ZFPM2: variants seen among roughly 807,000 people sequenced by gnomAD.
ZFPM2 encodes zinc finger protein, FOG family member 2.
Under a neutral mutation model 98.6 loss-of-function variants are expected in ZFPM2, and 20 were observed. The observed-to-expected ratio is 0.20, with a 90% CI of 0.14 to 0.29. The LOEUF is 0.29. Among genes scored for constraint, ZFPM2 ranks in the 10% least tolerant of loss-of-function variants. The probability of loss-of-function intolerance (pLI) is 1.00; values close to 1 mark genes in which losing one functional copy is unlikely to be tolerated. For synonymous variants in ZFPM2, 518 were observed against 502.7 expected (o/e 1.03, Z -0.41); for missense variants, 1,310 against 1,388.6 (o/e 0.94, Z 0.90).
At chr8:105,354,304 G>C (rs1309481392) in intron 1 of ZFPM2, among the ~76,000 whole-genome samples, 1 of 152,196 alleles carries the variant, frequency 6.6e-6, no homozygotes, top group Non-Finnish European at 1.5e-5. Flanking sequence ...CTTTCAATTA[G>C]AAGTAATTTA....
chr8:105,590,085 A>G (rs1815810086), intron 4 of ZFPM2, among the ~76,000 whole-genome samples: 1 of 152,062 alleles, frequency 6.6e-6, no homozygotes, highest in Non-Finnish European at 1.5e-5. Context: ...TTTCTTTTTG[A>G]ATTAGCCTCT....
chr8:105,549,626 A>C (rs549909652), intron 3 of ZFPM2, among the ~76,000 whole-genome samples: 1 of 133,272 alleles, frequency 7.5e-6, no homozygotes, highest in African/African-American at 2.8e-5. Flanking sequence ...TTTTTTTTTT[A>C]ATTGAGACAG....
At chr8:105,503,344 C>G (rs1813634426) in intron 3 of ZFPM2, among the ~76,000 whole-genome samples, 1 of 152,134 alleles carries the variant, frequency 6.6e-6, no homozygotes. Context: ...AATGGAGCAC[C>G]TTTATCCTGA....
At chr8:105,558,136 A>G (rs1275366189) in intron 3 of ZFPM2, among the ~76,000 whole-genome samples, 5 of 152,196 alleles carry the variant, frequency 3.3e-5, no homozygotes, top group African/African-American at 1.2e-4. Context: ...TGGAAAAAAA[A>G]TAAAATATCA....
At chr8:105,550,279 T>C (rs976440357) in intron 3 of ZFPM2, among the ~76,000 whole-genome samples, 1 of 152,184 alleles carries the variant, frequency 6.6e-6, no homozygotes, top group African/African-American at 2.4e-5. Flanking sequence ...CCAAATTGAC[T>C]GGCAGCTAAT....
At chr8:105,674,262 G>T (rs1185977329) in intron 5 of ZFPM2, among the ~76,000 whole-genome samples, 1 of 152,214 alleles carries the variant, frequency 6.6e-6, no homozygotes, top group Non-Finnish European at 1.5e-5. Flanking sequence ...ACACAAAGTT[G>T]TGGAAGCTTT....
At chr8:105,711,627 G>A (rs1277405201) in intron 5 of ZFPM2, among the ~76,000 whole-genome samples, 3 of 151,902 alleles carry the variant, frequency 2.0e-5, no homozygotes, top group Admixed American at 6.6e-5. Context: ...CACTGTACAA[G>A]GAGAAATAAG....
At chr8:105,351,353 T>TTGTGTG (rs1472458011) in intron 1 of ZFPM2, among the ~76,000 whole-genome samples, 1 of 74,082 alleles carries the variant, frequency 1.3e-5, no homozygotes, top group Non-Finnish European at 2.9e-5. Flanking sequence ...TTGCATTATT[T>TTGTGTG]CGTGTGTGTG....
intron 5 of ZFPM2, among the ~76,000 whole-genome samples, chr8:105,643,450 T>G (rs1425359862): frequency 1.3e-5 from 2 of 152,096 alleles, no homozygotes; most frequent in African/African-American, 4.8e-5. Flanking sequence ...GGCCTGGTAA[T>G]TCCTCATTCT....
At chr8:105,709,187 A>G (rs1253513050) in intron 5 of ZFPM2, among the ~76,000 whole-genome samples, 2 of 152,330 alleles carry the variant, frequency 1.3e-5, no homozygotes, top group East Asian at 3.9e-4. Context: ...CTAAGGAGAC[A>G]TGACTCACAA....
At chr8:105,345,064 G>A (rs1812493187) in intron 1 of ZFPM2, among the ~76,000 whole-genome samples, 1 of 152,062 alleles carries the variant, frequency 6.6e-6, no homozygotes, top group African/African-American at 2.4e-5. Context: ...GTGTAATTGT[G>A]TACATCTTAT....
intron 3 of ZFPM2, among the ~76,000 whole-genome samples, chr8:105,528,352 T>A (rs1161275141): frequency 1.3e-5 from 2 of 152,182 alleles, no homozygotes; most frequent in East Asian, 3.9e-4. Context: ...TGGGAAGTCG[T>A]GGGAGACTGC....
intron 3 of ZFPM2, among the ~76,000 whole-genome samples, chr8:105,503,493 A>G (rs754465848): frequency 3.3e-5 from 5 of 152,218 alleles, no homozygotes; most frequent in Admixed American, 2.0e-4. Context: ...GAAAAAAACA[A>G]GATAAAGACC....
chr8:105,338,323 C>A (rs1341947605), intron 1 of ZFPM2, among the ~76,000 whole-genome samples: 1 of 151,664 alleles, frequency 6.6e-6, no homozygotes, highest in East Asian at 1.9e-4. Flanking sequence ...CTCTTTGATG[C>A]ATCTCATACA....
intron 3 of ZFPM2, among the ~76,000 whole-genome samples, chr8:105,534,054 TCCTC>T (rs1814375837): frequency 6.1e-5 from 1 of 16,338 alleles, no homozygotes; most frequent in Non-Finnish European, 1.0e-4. Context: ...CTTCCTCCCT[TCCTC>T]CCTCCCTTCC....
At chr8:105,390,186 C>G (rs1811080419) in intron 1 of ZFPM2, among the ~76,000 whole-genome samples, 1 of 152,162 alleles carries the variant, frequency 6.6e-6, no homozygotes. Flanking sequence ...ATACCAATCT[C>G]AAACTCAGAG....
intron 4 of ZFPM2, among the ~76,000 whole-genome samples, chr8:105,580,133 T>C (rs13258617): frequency 0.11 from 17,192 of 152,138 alleles, 1,218 homozygotes; most frequent in Non-Finnish European, 0.16. Context: ...GCTTTTCTTA[T>C]GTCTTCTCTT....
chr8:105,728,137 C>T (rs1586223686), intron 5 of ZFPM2, among the ~76,000 whole-genome samples: 1 of 151,542 alleles, frequency 6.6e-6, no homozygotes, highest in African/African-American at 2.4e-5. Context: ...TGCCATAGTA[C>T]TCACATTAGA....
intron 1 of ZFPM2, among the ~76,000 whole-genome samples, chr8:105,371,283 C>T (rs1810617541): frequency 6.6e-6 from 1 of 152,034 alleles, no homozygotes; most frequent in Non-Finnish European, 1.5e-5. Context: ...TCTCTTTTGT[C>T]ATGTTAGTCC....
Sources: allele counts gnomAD v4.1 joint callset (sites outside exome capture counted in the v4.1 genomes callset), GRCh38; gene constraint gnomAD v4.1.1; transcripts MANE v1.5; gene names NCBI Gene and HGNC (gene_info 2026-07-23, HGNC 2026-07-21).